VOPP1: variants seen among roughly 807,000 people sequenced by gnomAD.
VOPP1 encodes the protein WW domain binding protein VOPP1.
VOPP1 carries 8 observed loss-of-function variants against 23.5 expected under a neutral mutation model. The ratio of observed to expected loss-of-function variants is 0.34; its 90% CI spans 0.20 to 0.61. VOPP1 has a LOEUF of 0.61. Among genes scored for constraint, VOPP1 ranks in the 20% least tolerant of loss-of-function variants. The pLI is 0.78. For synonymous variants in VOPP1, 83 were observed against 97.3 expected (o/e 0.85, Z 0.86); for missense variants, 174 against 238.1 (o/e 0.73, Z 1.77).
At chr7:55,555,242 C>G (rs1797761757) in intron 1 of VOPP1, among the ~76,000 whole-genome samples, 1 of 152,174 alleles carries the variant, frequency 6.6e-6, no homozygotes, top group South Asian at 2.1e-4. Context: ...GGGGAAGCGA[C>G]AGGAGAGGGA....
At position 55,497,678 on chromosome 7, in the gene VOPP1, G is replaced by A. The variant is rs756934629; in HGVS notation, c.126C>T (p.Tyr42=). The A allele has an allele frequency of 2.5e-5, 41 of 1,613,824 alleles. No homozygotes were observed. The highest frequency in any genetic ancestry group is 2.5e-4 in the East Asian group (11 of 44,886). ...LYPTYYICRS[Y]EDCCGSRCCV... ...AGCACCTGGAGCCACAGCAGTCCTC[G>A]TAGGAGCGGCATCTGTGGAGAGAGG... is the stretch of plus-strand genomic sequence containing the variant. Residue 42 remains tyrosine (Y), a synonymous_variant, in exon 3 of 5, where the codon TAC becomes TAT. Transcript: ENST00000285279.
At chr7:55,565,501 C>T (rs1302747105) in intron 1 of VOPP1, among the ~76,000 whole-genome samples, 1 of 152,082 alleles carries the variant, frequency 6.6e-6, no homozygotes, top group African/African-American at 2.4e-5. Flanking sequence ...CAAATCGGTC[C>T]ATGGTACAAA....
At chr7:55,530,673 C>T (rs1007405504) in intron 1 of VOPP1, among the ~76,000 whole-genome samples, 1 of 152,086 alleles carries the variant, frequency 6.6e-6, no homozygotes, top group Non-Finnish European at 1.5e-5. Context: ...TCTGTCACAT[C>T]GTGTGCATGG....
chr7:55,467,145 T>C (rs980970643), downstream of VOPP1, among the ~76,000 whole-genome samples: 1 of 152,178 alleles, frequency 6.6e-6, no homozygotes, highest in African/African-American at 2.4e-5. Context: ...GTGGTAACGC[T>C]TGCTTGCCAC....
intron 2 of VOPP1, among the ~76,000 whole-genome samples, chr7:55,500,975 T>G (rs1794326316): frequency 6.6e-6 from 1 of 152,220 alleles, no homozygotes. Flanking sequence ...GCCCTGCTTT[T>G]ATAACCTGCT....
At chr7:55,540,821 C>T (rs1584081993) in intron 1 of VOPP1, among the ~76,000 whole-genome samples, 4 of 152,100 alleles carry the variant, frequency 2.6e-5, no homozygotes, top group East Asian at 3.8e-4. Flanking sequence ...CACAATTTTA[C>T]GGCGTAGTTT....
chr7:55,505,783 T>G (rs900326565), intron 2 of VOPP1, among the ~76,000 whole-genome samples: 2 of 152,170 alleles, frequency 1.3e-5, no homozygotes, highest in Admixed American at 6.5e-5. Context: ...GATGATTAAG[T>G]CAATGGTGAA....
chr7:55,494,385 G>A (rs1793798645), intron 3 of VOPP1, among the ~76,000 whole-genome samples: 1 of 152,120 alleles, frequency 6.6e-6, no homozygotes, highest in African/African-American at 2.4e-5. Context: ...CAGGCTCGCT[G>A]GATTGAAAAA....
intron 4 of VOPP1, among the ~76,000 whole-genome samples, chr7:55,479,591 T>G (rs1276039595): frequency 1.3e-5 from 2 of 152,236 alleles, no homozygotes; most frequent in African/African-American, 4.8e-5. Context: ...TTCCTGATGG[T>G]TGAATATTTT....
At chr7:55,558,543 G>C (rs1006828002) in intron 1 of VOPP1, among the ~76,000 whole-genome samples, 1 of 152,014 alleles carries the variant, frequency 6.6e-6, no homozygotes, top group African/African-American at 2.4e-5. Flanking sequence ...ATCGGGGAGA[G>C]GACCCTGCCA....
At chr7:55,505,776 G>A (rs1038802713) in intron 2 of VOPP1, among the ~76,000 whole-genome samples, 2 of 151,936 alleles carry the variant, frequency 1.3e-5, no homozygotes, top group Non-Finnish European at 2.9e-5. Flanking sequence ...AAGTATTGAT[G>A]ATTAAGTCAA....
intron 1 of VOPP1, among the ~76,000 whole-genome samples, chr7:55,522,906 C>T (rs1795959382): frequency 6.6e-6 from 1 of 152,268 alleles, no homozygotes; most frequent in Admixed American, 6.5e-5. Context: ...ATCTCCATCA[C>T]TAATGCACTG....
chr7:55,571,426 G>T (rs1798350287), intron 1 of VOPP1, among the ~76,000 whole-genome samples: 1 of 152,168 alleles, frequency 6.6e-6, no homozygotes, highest in East Asian at 1.9e-4. Flanking sequence ...TTAATTTAAC[G>T]CAAATTTCCT....
At chr7:55,437,958 G>A (rs926260138) in intron 4 of VOPP1, among the ~76,000 whole-genome samples, 2 of 150,236 alleles carry the variant, frequency 1.3e-5, no homozygotes, top group East Asian at 2.0e-4. Context: ...ACAGTGGCAC[G>A]ATCTCAGCTC....
chr7:55,535,237 C>T (rs1796716349), intron 1 of VOPP1, among the ~76,000 whole-genome samples: 1 of 152,212 alleles, frequency 6.6e-6, no homozygotes, highest in Admixed American at 6.5e-5. Context: ...CCAGGGGCTC[C>T]CCATTCACTG....
chr7:55,507,874 G>A (rs920367688), intron 2 of VOPP1, among the ~76,000 whole-genome samples: 3 of 152,162 alleles, frequency 2.0e-5, no homozygotes, highest in African/African-American at 4.8e-5. Context: ...TAAGGAGGGG[G>A]CCATCACTGC....
intron 4 of VOPP1, among the ~76,000 whole-genome samples, chr7:55,478,903 G>C (rs1177861861): frequency 1.3e-5 from 2 of 152,188 alleles, no homozygotes; most frequent in Non-Finnish European, 2.9e-5. Context: ...CATCTGTGAG[G>C]ACCCAGGCGG....
chr7:55,506,414 C>T (rs1329000387), intron 2 of VOPP1, among the ~76,000 whole-genome samples: 1 of 152,234 alleles, frequency 6.6e-6, no homozygotes, highest in Non-Finnish European at 1.5e-5. Context: ...CGGCTCACTG[C>T]AACCTCCACC....
intron 2 of VOPP1, among the ~76,000 whole-genome samples, chr7:55,501,550 G>A (rs151276766): frequency 1.3e-5 from 2 of 152,138 alleles, no homozygotes; most frequent in African/African-American, 2.4e-5. Context: ...AAGGTCTTTC[G>A]GTCCTTGTCT....
Sources: allele counts gnomAD v4.1 joint callset (sites outside exome capture counted in the v4.1 genomes callset), GRCh38; gene constraint gnomAD v4.1.1; transcripts MANE v1.5; gene names NCBI Gene and HGNC (gene_info 2026-07-23, HGNC 2026-07-21).